ZNF217: variants seen among roughly 807,000 people sequenced by gnomAD.
ZNF217 encodes the protein zinc finger protein 217.
ZNF217 carries 12 observed loss-of-function variants against 73.3 expected under a neutral mutation model. The observed-to-expected ratio is 0.16, with a 90% CI of 0.10 to 0.27. ZNF217 has a LOEUF of 0.27. Ranked by LOEUF, ZNF217 falls within the 10% of genes least tolerant of loss-of-function variation. ZNF217 has a pLI of 1.00. For missense variants in ZNF217, 1,195 were observed against 1,327.8 expected (o/e 0.90, Z 1.55); for synonymous variants, 588 against 516.4 (o/e 1.14, Z -1.88).
At chr20:53,584,955 ATT>A (rs1988637530) in intron 1 of ZNF217, among the ~76,000 whole-genome samples, 1 of 151,900 alleles carries the variant, frequency 6.6e-6, no homozygotes, top group Non-Finnish European at 1.5e-5. Context: ...AGACTCATTT[ATT>A]TGAGGTCCTT....
Position 53,576,616 on chromosome 20 carries a change from G to A in ZNF217, c.2148C>T (p.Thr716=), listed in dbSNP as rs1459684305. 8.7e-6 allele frequency: 14 copies of A among 1,614,210 alleles called. No homozygotes were observed. The highest frequency in any genetic ancestry group is 1.2e-5 in the Non-Finnish European group (14 of 1,180,040). ...LIPSITCPFC[T]FKTFYPEVLM... Reference sequence around the variant, plus strand: ...AAACTTCTGGATAAAATGTCTTGAAGGTACAAAATGGACAGGTGATACTTG... The same window carrying A: ...AAACTTCTGGATAAAATGTCTTGAAAGTACAAAATGGACAGGTGATACTTG... Residue 716 remains threonine (T), a synonymous_variant, in exon 4 of 6, where the codon ACC becomes ACT. Coordinates refer to ENST00000371471, the MANE Select transcript of ZNF217 (RefSeq NM_006526.3).
At chr20:53,587,635 T>G (rs2145973071) in intron 1 of ZNF217, among the ~76,000 whole-genome samples, 1 of 152,200 alleles carries the variant, frequency 6.6e-6, no homozygotes. Context: ...CTAACAAAGC[T>G]ACTTTTTCCC....
Position 53,582,656 on chromosome 20 carries a change from G to A in ZNF217, c.171C>T (p.Ile57=). ...PFRATQEKNV[I]QIEGYMPLDC... is the part of the protein sequence containing the mutation. ...CCAAGGGCATATACCCCTCGATTTG[G>A]ATGACATTTTTTTCTTGTGTAGCTC... The change falls in exon 2 of 6, where the codon ATC becomes ATT. Residue 57 remains isoleucine (I), a synonymous_variant. Transcript: ENST00000371471. The surrounding 1 kb of genome is among the most constrained non-coding windows in gnomAD (Gnocchi z 4.8). The A allele has an allele frequency of 6.2e-7, 1 of 1,614,168 alleles. No homozygotes were observed. The highest frequency in any genetic ancestry group is 8.5e-7 in the Non-Finnish European group (1 of 1,180,028).
chr20:53,575,796 A>G lies in ZNF217; in HGVS notation c.2968T>C (p.Tyr990His), dbSNP rs1988232601. 6.2e-7 allele frequency: 1 copy of G among 1,613,470 alleles called. No homozygotes were observed. Among genetic ancestry groups the G allele is most frequent in the Non-Finnish European group, 8.5e-7 (1 of 1,179,814 alleles). The change falls in exon 4 of 6, where the codon TAT becomes CAT. Residue 990 changes from tyrosine (Y) to histidine (H), a missense_variant. Tyr to His is a moderately conservative substitution (Grantham distance 83). Around this residue, in one of 9 missense-constraint regions of ZNF217, gnomAD observed 649 missense variants for 642.8 expected, o/e 1.01. Coordinates refer to ENST00000371471, the MANE Select transcript of ZNF217 (RefSeq NM_006526.3). ...GTGTAAAGTGGCCCGGAGCCACCATAGGGCTTCTGAACAGTCAGCACATTT... is the reference window on the plus strand; with the variant it reads ...GTGTAAAGTGGCCCGGAGCCACCATGGGGCTTCTGAACAGTCAGCACATTT... The part of the protein sequence containing the change: ...SPNVLTVQKP[Y>H]GGSGPLYTCV...
intron 4 of ZNF217, chr20:53,572,998 A>C (rs1171468395): frequency 6.6e-6 from 1 of 152,230 alleles, no homozygotes; most frequent in African/African-American, 2.4e-5. Context: ...CTCAGTATCC[A>C]GAGGGCACTG....
rs202119672 is a variant in ZNF217 at position 53,571,824 on chromosome 20, A to G, written c.3067T>C (p.Ser1023Pro). The G allele has an allele frequency of 2.1e-4, 340 of 1,612,418 alleles. No individual in the cohort carries two copies. The highest frequency in any genetic ancestry group is 2.3e-4 in the Non-Finnish European group (269 of 1,179,502). Residue 1023 changes from serine (S) to proline (P), a missense_variant, in exon 5 of 6, where the codon TCT becomes CCT. By Grantham distance (74) the Ser-to-Pro change is moderately conservative. Coordinates refer to ENST00000371471, the MANE Select transcript of ZNF217 (RefSeq NM_006526.3). ...TTTCTCTTTTGTGCCATGCTGTTAG[A>G]TAAGTGTTGATATGACACAGGCCTT... Reference protein sequence around the residue: ...GKRPVSYQHLSNSMAQKRNYE... With the variant: ...GKRPVSYQHLPNSMAQKRNYE...
chr20:53,593,984 G>A (rs1295975830), upstream of ZNF217: 3 of 151,700 alleles, frequency 2.0e-5, no homozygotes, highest in Non-Finnish European at 4.4e-5. Flanking sequence ...GGGAGCCGCG[G>A]GCGAGGGGTG....
Position 53,581,896 on chromosome 20 carries a change from G to T in ZNF217, c.931C>A (p.Gln311Lys). 1 of 1,614,210 alleles carries T rather than the reference G, an allele frequency of 6.2e-7. No homozygotes were observed. Among genetic ancestry groups the T allele is most frequent in the Non-Finnish European group, 8.5e-7 (1 of 1,180,034 alleles). ...LATKGKVAICQEVKESGQEGS... is the reference protein window; with the variant it reads ...LATKGKVAICKEVKESGQEGS... ...TCTTGCCCCGATTCCTTCACTTCTT[G>T]GCAAATGGCAACTTTTCCTTTGGTA... The change falls in exon 2 of 6, where the codon CAA (glutamine) becomes AAA (lysine). Residue 311 changes from glutamine to lysine, a missense_variant. By Grantham distance (53) the Gln-to-Lys change is moderately conservative. This residue lies in a region of ZNF217 where 11 missense variants were observed against 30.5 expected (regional missense o/e 0.36). Coordinates refer to ENST00000371471, the MANE Select transcript of ZNF217 (RefSeq NM_006526.3). This position sits in a 1 kb window ranked among gnomAD's most constrained non-coding sequence, Gnocchi z 4.9.
chr20:53,578,397 T>C lies in ZNF217; in HGVS notation c.1420A>G (p.Ser474Gly), dbSNP rs1210697731. The change falls in exon 3 of 6, where the codon AGT becomes GGT. Residue 474 changes from serine to glycine, a missense_variant. Transcript: ENST00000371471. ...GAACGGAAAAACTTTCCACAATAAC[T>C]ACACTCTCTTGAAGATGTAAGATGT... ...IKHLTSSREC[S>G]YCGKFFRSNY... is the part of the protein sequence containing the mutation. 2 of 1,598,044 alleles carry C rather than the reference T, an allele frequency of 1.3e-6. No homozygotes were observed.
At chr20:53,578,495 T>C in intron 2 of ZNF217, 45 bp from the exon 3 acceptor site, 3 of 1,252,658 alleles carry the variant, frequency 2.4e-6, no homozygotes, top group Non-Finnish European at 3.3e-6. Flanking sequence ...GTAGCTGAAG[T>C]ACCTGAATAA....
In ZNF217 at chr20:53,581,759, G is replaced by A. The variant is rs760790908; in HGVS notation, c.1068C>T (p.Gly356=). 5.6e-6 allele frequency: 9 copies of A among 1,614,232 alleles called. No homozygotes were observed. The highest frequency in any genetic ancestry group is 2.2e-5 in the East Asian group (1 of 44,886). ...GATCCGCGTCCACGGAGGGCGCTTC[G>A]CCGTGGGAGTGTTTGCACTTCTCTT... is the stretch of plus-strand genomic sequence containing the variant. ...QEKEKCKHSH[G]EAPSVDADPK... The change falls in exon 2 of 6, where the codon GGC becomes GGT. Residue 356 remains glycine (G), a synonymous_variant. Coordinates refer to ENST00000371471, the MANE Select transcript of ZNF217 (RefSeq NM_006526.3). This position sits in a 1 kb window ranked among gnomAD's most constrained non-coding sequence, Gnocchi z 4.9.
rs1488481414 is a variant in ZNF217, at chr20:53,581,171, T to C, written c.1366+290A>G. Reference sequence around the variant, plus strand: ...GGGCTGGATGCACAAGTTATTTTTTTTTTAAAGTGTGTTTTGTGAGCAAAA... The same window carrying C: ...GGGCTGGATGCACAAGTTATTTTTTCTTTAAAGTGTGTTTTGTGAGCAAAA... On this transcript the variant is annotated intron_variant, in intron 2 of 5. Coordinates refer to ENST00000371471, the MANE Select transcript of ZNF217 (RefSeq NM_006526.3). This position sits in a 1 kb window ranked among gnomAD's most constrained non-coding sequence, Gnocchi z 4.9. 1.3e-5 allele frequency among the ~76,000 whole-genome samples: 2 copies of C among 152,202 alleles called. No individual in the cohort carries two copies. Among genetic ancestry groups the C allele is most frequent in the Admixed American group, 6.5e-5 (1 of 15,282 alleles).
At chr20:53,573,273 G>A (rs1167936793) in intron 4 of ZNF217, among the ~76,000 whole-genome samples, 2 of 151,966 alleles carry the variant, frequency 1.3e-5, no homozygotes, top group Non-Finnish European at 2.9e-5. Context: ...ACAGGCATGC[G>A]CTACCACACC....
In ZNF217 at chr20:53,576,100, G is replaced by T; in HGVS notation, c.2664C>A (p.Asn888Lys). ...INGSIDYPAK[N>K]DSPWAPPGRD... ...TTCCCGGAGGTGCCCACGGGCTGTC[G>T]TTCTTGGCGGGGTAGTCGATGGAAC... The change falls in exon 4 of 6, where the codon AAC (asparagine) becomes AAA (lysine). Residue 888 changes from asparagine (N) to lysine (K), a missense_variant. Transcript: ENST00000371471. 2.5e-6 allele frequency: 4 copies of T among 1,614,222 alleles called. No homozygotes were observed. Among genetic ancestry groups the T allele is most frequent in the Non-Finnish European group, 3.4e-6 (4 of 1,180,030 alleles).
upstream of ZNF217, among the ~76,000 whole-genome samples, chr20:53,597,256 CTG>C (rs1305958066): frequency 2.0e-5 from 3 of 152,120 alleles, no homozygotes; most frequent in Non-Finnish European, 4.4e-5. Flanking sequence ...TATTTGGAAA[CTG>C]TGTGTAAATC....
At chr20:53,570,150 C>T (rs147438422) in intron 5 of ZNF217, 2 of 152,472 alleles carry the variant, frequency 1.3e-5, no homozygotes, top group East Asian at 3.9e-4. Context: ...TAACCTGTTA[C>T]TAAAATCTGC....
At chr20:53,592,475 G>GT (rs768145271) in intron 1 of ZNF217, among the ~76,000 whole-genome samples, 4 of 152,030 alleles carry the variant, frequency 2.6e-5, no homozygotes, top group Non-Finnish European at 5.9e-5. Flanking sequence ...TCTAGCTCCT[G>GT]TAACTAAACC....
At chr20:53,594,598 G>A (rs1989006676), upstream of ZNF217, among the ~76,000 whole-genome samples, 1 of 151,446 alleles carries the variant, frequency 6.6e-6, no homozygotes, top group Non-Finnish European at 1.5e-5. Context: ...AACGTGGCGG[G>A]CGCGCGCCGC....
rs1342711836 is a variant in ZNF217, at chr20:53,567,881, C to T, written c.*1407G>A. 3.3e-5 allele frequency: 5 copies of T among 152,410 alleles called. No individual in the cohort carries two copies. The East Asian group carries it at 5.8e-4, about 18-fold the overall frequency. The allele number at this position is 152,410 out of a possible 1,614,324, so 9.4% of individuals were successfully genotyped here. A position where few individuals can be genotyped will look rare whatever the true frequency, so the allele number is the denominator to read the frequency against. On this transcript the variant is annotated 3_prime_UTR_variant, in exon 6 of 6. Coordinates refer to ENST00000371471, the MANE Select transcript of ZNF217 (RefSeq NM_006526.3). Reference sequence around the variant, plus strand: ...ATTACCCTTGCTCTATGGAGAACAGCGAGGCCAGAAAAATGAACAGTGCAA... The same window carrying T: ...ATTACCCTTGCTCTATGGAGAACAGTGAGGCCAGAAAAATGAACAGTGCAA...
Sources: gnomAD v4.1 joint callset for allele counts (sites outside exome capture counted in the v4.1 genomes callset) on GRCh38, gnomAD v4.1.1 for gene constraint, gnomAD v4.1.1 regional missense constraint, Gnocchi (gnomAD v3.1) non-coding constraint, MANE v1.5 for transcripts, NCBI Gene and HGNC (gene_info 2026-07-23, HGNC 2026-07-21) for gene names.